The following ARHGAP21 variants were observed in gnomAD, a reference collection of about 807,000 sequenced individuals.
ARHGAP21 encodes the protein Rho GTPase activating protein 21.
Under a neutral mutation model 164.6 loss-of-function variants are expected in ARHGAP21, and 38 were observed. That is an observed-to-expected ratio of 0.23 (90% CI 0.18 to 0.30). The LOEUF (loss-of-function observed/expected upper bound fraction) is 0.30. Among genes scored for constraint, ARHGAP21 ranks in the 10% least tolerant of loss-of-function variants. The pLI is 1.00. For missense variants in ARHGAP21, 1,822 were observed against 2,370.7 expected (o/e 0.77, Z 4.81); for synonymous variants, 766 against 857.9 (o/e 0.89, Z 1.87).
At chr10:24,640,617 G>T (rs1451168963) in intron 4 of ARHGAP21, among the ~76,000 whole-genome samples, 1 of 151,910 alleles carries the variant, frequency 6.6e-6, no homozygotes, top group Admixed American at 6.6e-5. Context: ...GAATATGAAG[G>T]CACCAAGCAT....
chr10:24,626,838 T>C (rs1319461549), intron 7 of ARHGAP21, among the ~76,000 whole-genome samples: 1 of 152,190 alleles, frequency 6.6e-6, no homozygotes, highest in Non-Finnish European at 1.5e-5. Flanking sequence ...GTTAAAATGA[T>C]TAAAATGAAT....
intron 2 of ARHGAP21, among the ~76,000 whole-genome samples, chr10:24,674,046 T>G (rs1179515365): frequency 6.6e-6 from 1 of 152,116 alleles, no homozygotes; most frequent in Non-Finnish European, 1.5e-5. Flanking sequence ...TACAATGAAT[T>G]TTTTTTAAAA....
chr10:24,639,351 T>C (rs1193449435), intron 4 of ARHGAP21, among the ~76,000 whole-genome samples: 2 of 152,136 alleles, frequency 1.3e-5, no homozygotes, highest in Non-Finnish European at 2.9e-5. Flanking sequence ...ATCTGAAAAA[T>C]GGGGATGATA....
intron 11 of ARHGAP21, 137 bp from the exon 12 acceptor site, chr10:24,604,485 T>C (rs916823437): frequency 4.0e-6 from 2 of 497,742 alleles, no homozygotes; most frequent in East Asian, 3.5e-5. Flanking sequence ...ATGTCCACTA[T>C]TCAATGGAAG....
chr10:24,720,568 T>C (rs1845828313), intron 2 of ARHGAP21, among the ~76,000 whole-genome samples: 3 of 152,242 alleles, frequency 2.0e-5, no homozygotes, highest in South Asian at 4.1e-4. Context: ...CCTAATAAAT[T>C]GTACAGTAAT....
At chr10:24,682,512 T>G (rs1308020794) in intron 2 of ARHGAP21, among the ~76,000 whole-genome samples, 1 of 152,212 alleles carries the variant, frequency 6.6e-6, no homozygotes, top group African/African-American at 2.4e-5. Context: ...AGTAGGATTC[T>G]TTGACAGGGT....
Position 24,584,907 on chromosome 10 carries a change from T to G in ARHGAP21, c.5382A>C (p.Lys1794Asn). Residue 1794 changes from lysine to asparagine, a missense_variant, in exon 26 of 26, where the codon AAA (lysine) becomes AAC (asparagine). Coordinates refer to ENST00000396432, the MANE Select transcript of ARHGAP21 (RefSeq NM_020824.4). ...GNHKVNAETA[K>N]RKSIRRRHTL... ...TATGTCTGCGCCGGATGCTTTTCCTTTTAGCAGTCTCGGCATTCACTTTGT... is the reference window on the plus strand; with the variant it reads ...TATGTCTGCGCCGGATGCTTTTCCTGTTAGCAGTCTCGGCATTCACTTTGT... The G allele has an allele frequency of 6.2e-7, 1 of 1,613,932 alleles. No homozygotes were observed. The highest frequency in any genetic ancestry group is 8.5e-7 in the Non-Finnish European group (1 of 1,179,858).
chr10:24,607,401 A>G (rs2077072382), intron 11 of ARHGAP21, 98 bp downstream of exon 11: 1 of 998,384 alleles, frequency 1.0e-6, no homozygotes, highest in Non-Finnish European at 1.5e-6. Flanking sequence ...TCAAAGTTAG[A>G]AAACATAAGA....
intron 13 of ARHGAP21, among the ~76,000 whole-genome samples, chr10:24,601,275 GA>G (rs2076801846): frequency 6.6e-6 from 1 of 152,222 alleles, no homozygotes; most frequent in African/African-American, 2.4e-5. Flanking sequence ...CCTGTTGAGT[GA>G]AAGACTTACG....
chr10:24,667,246 T>C (rs1386861488), intron 3 of ARHGAP21, among the ~76,000 whole-genome samples: 1 of 152,220 alleles, frequency 6.6e-6, no homozygotes, highest in Admixed American at 6.5e-5. Flanking sequence ...AGATAGAGTT[T>C]TCACAAATAG....
intron 4 of ARHGAP21, among the ~76,000 whole-genome samples, chr10:24,649,879 A>G (rs1161078473): frequency 2.6e-5 from 4 of 152,158 alleles, no homozygotes; most frequent in Admixed American, 2.0e-4. Context: ...TAAAACTAAA[A>G]GTAGTCCAGG....
intron 9 of ARHGAP21, among the ~76,000 whole-genome samples, chr10:24,609,461 G>T (rs546255262): frequency 6.6e-6 from 1 of 152,178 alleles, no homozygotes; most frequent in Non-Finnish European, 1.5e-5. Flanking sequence ...TGGAGAAGGC[G>T]TGGGAGAAGA....
intron 14 of ARHGAP21, among the ~76,000 whole-genome samples, chr10:24,599,958 C>G (rs2076743244): frequency 1.3e-5 from 2 of 151,842 alleles, no homozygotes; most frequent in Admixed American, 1.3e-4. Context: ...ACGGTGAAAC[C>G]CCATCACTAC....
At chr10:24,652,759 C>A (rs192389445) in intron 4 of ARHGAP21, among the ~76,000 whole-genome samples, 1 of 152,302 alleles carries the variant, frequency 6.6e-6, no homozygotes, top group African/African-American at 2.4e-5. Flanking sequence ...CAAAGACTGA[C>A]AACAGCAAGT....
chr10:24,709,201 T>C (rs1275967445), intron 2 of ARHGAP21, among the ~76,000 whole-genome samples: 1 of 152,146 alleles, frequency 6.6e-6, no homozygotes, highest in African/African-American at 2.4e-5. Flanking sequence ...CACTCAAGGT[T>C]GAACCAAGAA....
chr10:24,701,394 A>C (rs189980800), intron 2 of ARHGAP21, among the ~76,000 whole-genome samples: 10 of 152,248 alleles, frequency 6.6e-5, no homozygotes, highest in African/African-American at 1.7e-4. Flanking sequence ...AAAAATTTCC[A>C]ATCATTTTAC....
intron 4 of ARHGAP21, among the ~76,000 whole-genome samples, chr10:24,640,703 C>T (rs961480143): frequency 6.6e-6 from 1 of 151,954 alleles, no homozygotes; most frequent in African/African-American, 2.4e-5. Flanking sequence ...GAAACCCCAA[C>T]ACAGACTGAA....
chr10:24,677,685 C>G (rs1048845954), intron 2 of ARHGAP21, among the ~76,000 whole-genome samples: 3 of 152,202 alleles, frequency 2.0e-5, no homozygotes, highest in African/African-American at 7.2e-5. Context: ...GTATGCTAGG[C>G]TTAGTTTCCC....
At chr10:24,646,458 C>A (rs2131496655) in intron 4 of ARHGAP21, among the ~76,000 whole-genome samples, 1 of 152,212 alleles carries the variant, frequency 6.6e-6, no homozygotes, top group South Asian at 2.1e-4. Flanking sequence ...GGCAACATGG[C>A]AAAACCTTGT....
Sources: allele counts gnomAD v4.1 joint callset (sites outside exome capture counted in the v4.1 genomes callset), GRCh38; gene constraint gnomAD v4.1.1; transcripts MANE v1.5; gene names NCBI Gene and HGNC (gene_info 2026-07-23, HGNC 2026-07-21).